The following COL4A6 variants were observed in gnomAD, a reference collection of about 807,000 sequenced individuals.
COL4A6 encodes collagen alpha-6(IV) chain.
A neutral mutation model predicts 126.7 loss-of-function variants in COL4A6; 59 were observed. The ratio of observed to expected loss-of-function variants is 0.47; its 90% confidence interval spans 0.38 to 0.58. COL4A6 has a LOEUF of 0.58. Ranked by LOEUF, COL4A6 falls within the 20% of genes least tolerant of loss-of-function variation. The pLI is 0.00. For missense variants in COL4A6, 1,285 were observed against 1,337.3 expected, an observed-to-expected ratio of 0.96 and a Z score of 0.61; for synonymous variants, 547 against 496.6, an observed-to-expected ratio of 1.10 and a Z score of -1.35.
intron 2 of COL4A6, among the ~76,000 whole-genome samples, chrX:108,423,403 G>A (rs112557865): frequency 0.082 from 9,135 of 111,440 alleles, 399 homozygotes; most frequent in Non-Finnish European, 0.12. Flanking sequence ...AGTGTTATGT[G>A]CATTATCTCT....
chrX:108,172,239 A>AG (rs1176918319), intron 32 of COL4A6, among the ~76,000 whole-genome samples: 2 of 109,083 alleles, frequency 1.8e-5, no homozygotes, highest in Non-Finnish European at 3.8e-5. Context: ...AATCCCAGCT[A>AG]CTTAGGAAGC....
At chrX:108,159,901 G>T in intron 43 of COL4A6, 153 bp from the exon 44 acceptor site, 1 of 585,718 alleles carries the variant, frequency 1.7e-6, no homozygotes, top group Non-Finnish European at 2.9e-6. Context: ...GAAGTGTGTT[G>T]AGCAAATTCT....
intron 2 of COL4A6, among the ~76,000 whole-genome samples, chrX:108,418,133 C>A (rs973378716): frequency 1.8e-5 from 2 of 111,980 alleles, no homozygotes. Flanking sequence ...TTTCTAGCTT[C>A]TAAGTGATTT....
chrX:108,186,274 A>G (rs1386197451), intron 23 of COL4A6, among the ~76,000 whole-genome samples: 1 of 111,837 alleles, frequency 8.9e-6, no homozygotes, highest in African/African-American at 3.2e-5. Context: ...CTATCCATCC[A>G]TCCAACCATC....
intron 13 of COL4A6, among the ~76,000 whole-genome samples, chrX:108,197,492 T>A (rs768619183): frequency 1.8e-5 from 2 of 112,416 alleles, no homozygotes; most frequent in Non-Finnish European, 3.8e-5. Flanking sequence ...AAACAACATC[T>A]TGGCTTATTA....
At chrX:108,408,193 TC>T (rs2041244826) in intron 2 of COL4A6, among the ~76,000 whole-genome samples, 1 of 110,791 alleles carries the variant, frequency 9.0e-6, no homozygotes, top group Non-Finnish European at 1.9e-5. Context: ...TGGCCTATAG[TC>T]CCGGCTACTC....
Position 108,180,504 on chromosome X carries a change from C to T in COL4A6, c.2131+11G>A. 8.6e-7 allele frequency: 1 copy of T among 1,169,202 alleles called. No homozygotes were observed. The highest frequency in any genetic ancestry group is 1.2e-6 in the Non-Finnish European group (1 of 859,625). On this transcript the variant is annotated intron_variant, in intron 25 of 44. Coordinates refer to ENST00000334504, the MANE Select transcript of COL4A6 (RefSeq NM_033641.4). Reference sequence around the variant, plus strand: ...AAAGAGAAGCAGGTGAGGAGACACTCCTTTTCTTACCTGGTAATTCAGGAA... The same window carrying T: ...AAAGAGAAGCAGGTGAGGAGACACTTCTTTTCTTACCTGGTAATTCAGGAA...
chrX:108,274,957 A>G (rs1189372429), intron 3 of COL4A6, among the ~76,000 whole-genome samples: 2 of 111,475 alleles, frequency 1.8e-5, no homozygotes, highest in African/African-American at 6.5e-5. Flanking sequence ...CCCACACTCA[A>G]GAGGAGGGAA....
In COL4A6 at chrX:108,187,090, A is replaced by G; in HGVS notation, c.1951+6T>C. On this transcript the variant is annotated splice_donor_region_variant and intron_variant, in intron 23 of 44. Coordinates refer to ENST00000334504, the MANE Select transcript of COL4A6 (RefSeq NM_033641.4). ...AAGTCCAAAGCCATCTGATTCTATGACTCACCCTTAGATCCGGGAAGGCCT... is the reference window on the plus strand; with the variant it reads ...AAGTCCAAAGCCATCTGATTCTATGGCTCACCCTTAGATCCGGGAAGGCCT... 1 of 1,125,619 alleles carries G rather than the reference A, an allele frequency of 8.9e-7. No homozygotes were observed. Among genetic ancestry groups the G allele is most frequent in the South Asian group, 2.4e-5 (1 of 42,287 alleles). The allele number at this position is 1,125,619 out of a possible 1,213,427, so 92.8% of individuals were successfully genotyped here.
Position 108,204,413 on chromosome X carries a change from C to A in COL4A6, c.688-1G>T. 1 of 1,198,756 alleles carries A rather than the reference C, an allele frequency of 8.3e-7. No homozygotes were observed. Among genetic ancestry groups the A allele is most frequent in the Non-Finnish European group, 1.1e-6 (1 of 886,057 alleles). On this transcript the variant is annotated splice_acceptor_variant, in intron 11 of 44. Coordinates refer to ENST00000334504, the MANE Select transcript of COL4A6 (RefSeq NM_033641.4). LOFTEE classifies it high-confidence loss of function. ...CTGGGCCAGGGAGGCCAACATCCCC[C>A]TGTAAGATCAAATGGAACATTAAGC...
intron 21 of COL4A6, 23 bp from the exon 22 acceptor site, chrX:108,188,050 G>A: frequency 8.6e-7 from 1 of 1,158,622 alleles, no homozygotes; most frequent in Non-Finnish European, 1.2e-6. Flanking sequence ...AGAGAGAAGA[G>A]GGAGTAGTCA....
rs780463327 is a variant in COL4A6, at chrX:108,179,105, T to G, written c.2353+112A>C. 5.1e-6 allele frequency: 4 copies of G among 789,988 alleles called. No homozygotes were observed. The South Asian group carries it at 8.5e-5, about 17-fold the overall frequency. 65.1% of individuals were successfully genotyped at this position (789,988 alleles called of 1,213,427 possible). On this transcript the variant is annotated intron_variant, in intron 26 of 44. Transcript: ENST00000334504. ...GAGGGACAGAATAAAATATTTCATT[T>G]TAACCCCTTAATTAAACCATCACCC...
In COL4A6 at chrX:108,211,858, A is replaced by G. The variant is rs1276613583; in HGVS notation, c.442-118T>C. 5.6e-6 allele frequency: 4 copies of G among 709,401 alleles called. No individual in the cohort carries two copies. In the African/African-American group the frequency reaches 8.6e-5, roughly 15 times the overall value. The allele number at this position is 709,401 out of a possible 1,213,427, so 58.5% of individuals were successfully genotyped here. Reference sequence around the variant, plus strand: ...AGCCTGAAACCATGTGGCTTTTTCTATGGCAAAATTGGCTGTACTAAGGGG... The same window carrying G: ...AGCCTGAAACCATGTGGCTTTTTCTGTGGCAAAATTGGCTGTACTAAGGGG... On this transcript the variant is annotated intron_variant, in intron 6 of 44. Coordinates refer to ENST00000334504, the MANE Select transcript of COL4A6 (RefSeq NM_033641.4).
intron 27 of COL4A6, among the ~76,000 whole-genome samples, chrX:108,177,637 T>C (rs1354588630): frequency 1.8e-5 from 2 of 112,115 alleles, no homozygotes; most frequent in African/African-American, 6.5e-5. Context: ...AGTTGGTCAA[T>C]GGGATTAACC....
At chrX:108,246,436 T>C (rs2036718993) in intron 3 of COL4A6, among the ~76,000 whole-genome samples, 1 of 112,058 alleles carries the variant, frequency 8.9e-6, no homozygotes, top group South Asian at 3.7e-4. Flanking sequence ...TGGACAATAC[T>C]GTCTCTGTTA....
chrX:108,391,575 A>C (rs1458653600), intron 2 of COL4A6, among the ~76,000 whole-genome samples: 1 of 112,222 alleles, frequency 8.9e-6, no homozygotes, highest in African/African-American at 3.2e-5. Flanking sequence ...CTGTGCTAGC[A>C]GCAAGAATTT....
chrX:108,226,505 C>T (rs1162244706), intron 3 of COL4A6, among the ~76,000 whole-genome samples: 1 of 111,209 alleles, frequency 9.0e-6, no homozygotes, highest in Non-Finnish European at 1.9e-5. Flanking sequence ...TCCTGAAGGG[C>T]TTTAATCTAC....
At chrX:108,306,086 G>A (rs1021663742) in intron 3 of COL4A6, among the ~76,000 whole-genome samples, 1 of 111,974 alleles carries the variant, frequency 8.9e-6, no homozygotes, top group Non-Finnish European at 1.9e-5. Context: ...GAATGCTGGG[G>A]GATCCCAATC....
At chrX:108,198,640 C>T (rs1348912031) in intron 13 of COL4A6, among the ~76,000 whole-genome samples, 1 of 110,526 alleles carries the variant, frequency 9.0e-6, no homozygotes. Flanking sequence ...CAGTCCTCCT[C>T]ATGAGTAATC....
Sources: allele counts gnomAD v4.1 joint callset (sites outside exome capture counted in the v4.1 genomes callset), GRCh38; gene constraint gnomAD v4.1.1; transcripts MANE v1.5; gene names NCBI Gene and HGNC (gene_info 2026-07-23, HGNC 2026-07-21).